The following SHISA7 variants were observed in gnomAD, a reference collection of about 807,000 sequenced individuals.
SHISA7 encodes the protein protein shisa-7.
A neutral mutation model predicts 23.9 loss-of-function variants in SHISA7; 6 were observed. The ratio of observed to expected loss-of-function variants is 0.25; its 90% CI spans 0.14 to 0.50. The LOEUF (loss-of-function observed/expected upper bound fraction) is 0.50, where lower values mean the gene tolerates loss of function less well. Among genes scored for constraint, SHISA7 ranks in the 20% least tolerant of loss-of-function variants. SHISA7 has a pLI of 0.98. For synonymous variants in SHISA7, 386 were observed against 398.3 expected, an observed-to-expected ratio of 0.97 and a Z score of 0.37; for missense variants, 671 against 801.1, an observed-to-expected ratio of 0.84 and a Z score of 1.96.
chr19:55,437,805 C>A, intron 2 of SHISA7, 51 bp from the exon 3 acceptor site: 1 of 1,517,496 alleles, frequency 6.6e-7, no homozygotes, highest in Non-Finnish European at 8.8e-7. Context: ...CCCTCAGACC[C>A]AGGAGTCCAG....
In SHISA7 at chr19:55,430,263, G is replaced by A. The variant is rs1243966546; in HGVS notation, c.*2893C>T. 1 of 152,314 alleles carries A rather than the reference G, an allele frequency of 6.6e-6. No homozygotes were observed. The highest frequency in any genetic ancestry group is 2.4e-5 in the African/African-American group (1 of 41,420). 9.4% of individuals were successfully genotyped at this position (152,314 alleles called of 1,614,324 possible). On this transcript the variant is annotated 3_prime_UTR_variant, in exon 4 of 4. Transcript: ENST00000376325. Reference sequence around the variant, plus strand: ...CAGTGACATAAGGAGGGCCAGAGTAGGGGTGAAGTCTTCAGAGGGGGACAG... The same window carrying A: ...CAGTGACATAAGGAGGGCCAGAGTAAGGGTGAAGTCTTCAGAGGGGGACAG...
Position 55,433,060 on chromosome 19 carries a change from G to A in SHISA7, c.*96C>T. 2.2e-6 allele frequency: 3 copies of A among 1,375,784 alleles called. No individual in the cohort carries two copies. The highest frequency in any genetic ancestry group is 2.8e-6 in the Non-Finnish European group (3 of 1,062,634). The allele number at this position is 1,375,784 out of a possible 1,614,324, so 85.2% of individuals were successfully genotyped here. A position where few individuals can be genotyped will look rare whatever the true frequency, so the allele number is the denominator to read the frequency against. On this transcript the variant is annotated 3_prime_UTR_variant, in exon 4 of 4. Coordinates refer to ENST00000376325, the MANE Select transcript of SHISA7 (RefSeq NM_001145176.2). The surrounding 1 kb of genome is among the most constrained non-coding windows in gnomAD (Gnocchi z 8.4). ...TCACTCCTGTCCAAGGGCCGATCTG[G>A]GCCCCAGGCCCCTGGCATGTGTGCG...
rs908123587 is a variant in SHISA7, at chr19:55,440,829, C to G, written c.672-64G>C. On this transcript the variant is annotated intron_variant, in intron 1 of 3. Transcript: ENST00000376325. Reference sequence around the variant, plus strand: ...GAGGGTGGCAGGGGTACCAGGAAGGCTTCTTTCCGCTCCCTGCTCTCGCCC... The same window carrying G: ...GAGGGTGGCAGGGGTACCAGGAAGGGTTCTTTCCGCTCCCTGCTCTCGCCC... The G allele has an allele frequency of 2.5e-6, 3 of 1,218,694 alleles. No individual in the cohort carries two copies. The East Asian group carries it at 9.5e-5, about 39-fold the overall frequency. The allele number at this position is 1,218,694 out of a possible 1,614,324, so 75.5% of individuals were successfully genotyped here.
chr19:55,433,502 C>A lies in SHISA7; in HGVS notation c.1271G>T (p.Ser424Ile). The change falls in exon 4 of 4, where the codon AGT becomes ATT. Residue 424 changes from serine to isoleucine, a missense_variant. This residue lies in a region of SHISA7 where 457 missense variants were observed against 488.3 expected (regional missense o/e 0.94). Transcript: ENST00000376325. This position sits in a 1 kb window ranked among gnomAD's most constrained non-coding sequence, Gnocchi z 8.4. The stretch of plus-strand genomic sequence containing the variant: ...CGGGGGCGACAGCAGGTGCTCGCGA[C>A]TCTGGCGCAGGGCCTCGGGCGAGGA... ...LLSSPEALRQ[S>I]REHLLSPPRS... 6.9e-7 allele frequency: 1 copy of A among 1,459,114 alleles called. No individual in the cohort carries two copies. Among genetic ancestry groups the A allele is most frequent in the Non-Finnish European group, 9.0e-7 (1 of 1,112,398 alleles). 90.4% of individuals were successfully genotyped at this position (1,459,114 alleles called of 1,614,324 possible).
chr19:55,443,270 G>C lies in SHISA7; in HGVS notation c.-407C>G, dbSNP rs1473350819. ...ACATTAGGACGAGGAGCGAGGCGAG[G>C]CGCGATGTAAGGAGAAGAAACGGGG... is the stretch of plus-strand genomic sequence containing the variant. On this transcript the variant is annotated 5_prime_UTR_variant, in exon 1 of 4. Transcript: ENST00000376325. Among the ~76,000 whole-genome samples the C allele has an allele frequency of 6.7e-6, 1 of 149,000 alleles. No individual in the cohort carries two copies. Among genetic ancestry groups the C allele is most frequent in the East Asian group, 2.0e-4 (1 of 5,046 alleles).
intron 3 of SHISA7, among the ~76,000 whole-genome samples, chr19:55,434,685 T>G (rs1465227200): frequency 8.8e-6 from 1 of 113,794 alleles, no homozygotes. Context: ...GTGTGGTGTG[T>G]GTGTATGGTG....
At position 55,432,345 on chromosome 19, in the gene SHISA7, C is replaced by T. The variant is rs1867328552; in HGVS notation, c.*811G>A. 6.6e-6 allele frequency: 1 copy of T among 152,602 alleles called. No individual in the cohort carries two copies. The highest frequency in any genetic ancestry group is 6.5e-5 in the Admixed American group (1 of 15,272). 9.5% of individuals were successfully genotyped at this position (152,602 alleles called of 1,614,324 possible). A position where few individuals can be genotyped will look rare whatever the true frequency, so the allele number is the denominator to read the frequency against. On this transcript the variant is annotated 3_prime_UTR_variant, in exon 4 of 4. Coordinates refer to ENST00000376325, the MANE Select transcript of SHISA7 (RefSeq NM_001145176.2). The surrounding 1 kb of genome is among the most constrained non-coding windows in gnomAD (Gnocchi z 4.6). ...TGGGCGACATCACAGAAGGGACCTC[C>T]TCCTGGAGAGGTCCCAGAGTGGGTG...
At position 55,433,770 on chromosome 19, in the gene SHISA7, G is replaced by GGTAGGCCTC. The variant is rs1159496960; in HGVS notation, c.994_1002dup (p.Glu332_Tyr334dup). ...GGCAATTCCAGGGGCCGGCGCTTCAGGTAGGCCTCGTCCAGATCCTTCTCG... is the reference window on the plus strand; with the variant it reads ...GGCAATTCCAGGGGCCGGCGCTTCAGGTAGGCCTCGTAGGCCTCGTCCAGATCCTTCTCG... On this transcript the variant is annotated inframe_insertion, in exon 4 of 4. Coordinates refer to ENST00000376325, the MANE Select transcript of SHISA7 (RefSeq NM_001145176.2). This position sits in a 1 kb window ranked among gnomAD's most constrained non-coding sequence, Gnocchi z 8.4. The GGTAGGCCTC allele has an allele frequency of 3.5e-6, 5 of 1,442,860 alleles. No individual in the cohort carries two copies. Among genetic ancestry groups the GGTAGGCCTC allele is most frequent in the Non-Finnish European group, 4.5e-6 (5 of 1,107,826 alleles). The allele number at this position is 1,442,860 out of a possible 1,614,324, so 89.4% of individuals were successfully genotyped here.
rs567530149 is a variant in SHISA7, at chr19:55,440,597, C to A, written c.826+14G>T. ...CAGAGACGGAGGCTGCGCCGGATCC[C>A]ACGTTCCACTCACCGAGGTTGGGGG... On this transcript the variant is annotated intron_variant, in intron 2 of 3. Transcript: ENST00000376325. 3.2e-5 allele frequency: 40 copies of A among 1,249,594 alleles called. No individual in the cohort carries two copies. The East Asian group carries it at 4.1e-4, about 13-fold the overall frequency. 77.4% of individuals were successfully genotyped at this position (1,249,594 alleles called of 1,614,324 possible). A position where few individuals can be genotyped will look rare whatever the true frequency, so the allele number is the denominator to read the frequency against.
chr19:55,439,437 T>C (rs908460953), intron 2 of SHISA7, among the ~76,000 whole-genome samples: 3 of 152,190 alleles, frequency 2.0e-5, no homozygotes, highest in African/African-American at 2.4e-5. Flanking sequence ...GCCCTTTGCA[T>C]GGGTTCCAGA....
intron 2 of SHISA7, among the ~76,000 whole-genome samples, chr19:55,439,527 G>T (rs1283572807): frequency 6.6e-6 from 1 of 152,134 alleles, no homozygotes; most frequent in African/African-American, 2.4e-5. Flanking sequence ...CCCTCAGGAC[G>T]GAGGCGGAGT....
At chr19:55,439,526 C>T (rs1053466597) in intron 2 of SHISA7, among the ~76,000 whole-genome samples, 5 of 152,172 alleles carry the variant, frequency 3.3e-5, no homozygotes, top group Admixed American at 1.3e-4. Context: ...ACCCTCAGGA[C>T]GGAGGCGGAG....
chr19:55,433,894 G>T lies in SHISA7; in HGVS notation c.977-98C>A. On this transcript the variant is annotated intron_variant, in intron 3 of 3. Coordinates refer to ENST00000376325, the MANE Select transcript of SHISA7 (RefSeq NM_001145176.2). This position sits in a 1 kb window ranked among gnomAD's most constrained non-coding sequence, Gnocchi z 8.4. ...CACATCCCGCTCCTATGCTCCTTGT[G>T]CCCCCACAAGGATCCTGGGCATCAG... is the stretch of plus-strand genomic sequence containing the variant. The T allele has an allele frequency of 1.6e-6, 2 of 1,275,064 alleles. No homozygotes were observed. The highest frequency in any genetic ancestry group is 1.0e-6 in the Non-Finnish European group (1 of 997,216). 79.0% of individuals were successfully genotyped at this position (1,275,064 alleles called of 1,614,324 possible).
Position 55,442,189 on chromosome 19 carries a change from G to C in SHISA7, c.671+4C>G. ...GCAGTCCTCCCGCCCGAGAGCACAC[G>C]CACCTGGGCACGTTGATATCCCGGT... On this transcript the variant is annotated splice_donor_region_variant and intron_variant, in intron 1 of 3. Transcript: ENST00000376325. 7.2e-6 allele frequency: 11 copies of C among 1,530,978 alleles called. No individual in the cohort carries two copies. The highest frequency in any genetic ancestry group is 9.6e-6 in the Non-Finnish European group (11 of 1,144,074). 94.8% of individuals were successfully genotyped at this position (1,530,978 alleles called of 1,614,324 possible).
At chr19:55,434,943 ATGGTGTG>A (rs938259841) in intron 3 of SHISA7, among the ~76,000 whole-genome samples, 5 of 48,292 alleles carry the variant, frequency 1.0e-4, no homozygotes, top group East Asian at 7.3e-4. Context: ...TGGTGTGTGT[ATGGTGTG>A]TGGTGTGTGG....
At chr19:55,442,048 C>T in intron 1 of SHISA7, 145 bp downstream of exon 1, 1 of 802,116 alleles carries the variant, frequency 1.2e-6, no homozygotes, top group Non-Finnish European at 1.9e-6. Flanking sequence ...TCAGCCCCTG[C>T]CCACCTTCAG....
At position 55,440,903 on chromosome 19, in the gene SHISA7, C is replaced by T. The variant is rs893172518; in HGVS notation, c.672-138G>A. ...GCCTTTTTCGCCATTGGCCACGCCC[C>T]TTTCTCGTTGGCCACGCCCCCTAGA... On this transcript the variant is annotated intron_variant, in intron 1 of 3. Coordinates refer to ENST00000376325, the MANE Select transcript of SHISA7 (RefSeq NM_001145176.2). 1.7e-5 allele frequency: 14 copies of T among 822,058 alleles called. No homozygotes were observed. In the African/African-American group the frequency reaches 2.1e-4, roughly 12 times the overall value. 50.9% of individuals were successfully genotyped at this position (822,058 alleles called of 1,614,324 possible).
chr19:55,434,394 T>TTGTGTGTGG (rs1217308142), intron 3 of SHISA7, among the ~76,000 whole-genome samples: 1 of 104,694 alleles, frequency 9.6e-6, no homozygotes, highest in Non-Finnish European at 1.9e-5. Flanking sequence ...GGTGTGTGGT[T>TTGTGTGTGG]TGTGTGTGGT....
intron 3 of SHISA7, among the ~76,000 whole-genome samples, chr19:55,436,603 CAAAA>C (rs35561645): frequency 3.5e-5 from 4 of 114,626 alleles, no homozygotes; most frequent in South Asian, 2.8e-4. Flanking sequence ...GACTCTGTCT[CAAAA>C]AAAAAAAAAA....
Sources: allele counts gnomAD v4.1 joint callset (sites outside exome capture counted in the v4.1 genomes callset), GRCh38; gene constraint gnomAD v4.1.1; regional missense constraint gnomAD v4.1.1; non-coding constraint Gnocchi (gnomAD v3.1); transcripts MANE v1.5; gene names NCBI Gene and HGNC (gene_info 2026-07-23, HGNC 2026-07-21).